SIN3A: variants seen among roughly 807,000 people sequenced by gnomAD.
The protein encoded by SIN3A is SIN3 transcription regulator family member A.
SIN3A carries 14 observed loss-of-function variants against 146.1 expected under a neutral mutation model. The ratio of observed to expected loss-of-function variants is 0.10; its 90% confidence interval spans 0.06 to 0.15. SIN3A has a LOEUF of 0.15. Ranked by LOEUF, SIN3A falls within the 10% of genes least tolerant of loss-of-function variation. The pLI is 1.00. For synonymous variants in SIN3A, 572 were observed against 572.0 expected (o/e 1.00, Z 0.00); for missense variants, 1,028 against 1,576.0 (o/e 0.65, Z 5.89).
At chr15:75,372,258 A>G (rs2072766270) in intron 20 of SIN3A, 49 bp from the exon 21 acceptor site, 1 of 1,308,202 alleles carries the variant, frequency 7.6e-7, no homozygotes. Flanking sequence ...GAACCAAAAA[A>G]GAGCCCTTCA....
intron 20 of SIN3A, among the ~76,000 whole-genome samples, chr15:75,372,543 C>T (rs1186379923): frequency 6.6e-6 from 1 of 152,060 alleles, no homozygotes; most frequent in Non-Finnish European, 1.5e-5. Flanking sequence ...CATTTCTGAC[C>T]AGGTGCAGTG....
rs758282618 is a variant in SIN3A at position 75,394,756 on chromosome 15, A to C, written c.2201T>G (p.Ile734Ser). 6.2e-7 allele frequency: 1 copy of C among 1,614,054 alleles called. No individual in the cohort carries two copies. Among genetic ancestry groups the C allele is most frequent in the Non-Finnish European group, 8.5e-7 (1 of 1,179,996 alleles). ...YYLKSLDHQG[I>S]NFKQNDTKVL... ...CTTGGTGTCATTCTGTTTAAAGTTG[A>C]TCCCCTGGTGGTCCAGAGACTTCAA... The change falls in exon 14 of 21, where the codon ATC (isoleucine) becomes AGC (serine). Residue 734 changes from isoleucine (I) to serine (S), a missense_variant. Coordinates refer to ENST00000394947, the MANE Select transcript of SIN3A (RefSeq NM_001145358.2).
rs946672382 is a variant in SIN3A, at chr15:75,375,864, C to T, written c.3392G>A (p.Arg1131Gln). ...ACCACGTTGACACTTCCGGATCCGCCGTAGATTCCTATTGCAGAAAAGCCC... is the reference window on the plus strand; with the variant it reads ...ACCACGTTGACACTTCCGGATCCGCTGTAGATTCCTATTGCAGAAAAGCCC... ...QKPVFLPRNL[R>Q]RIRKCQRGRE... The change falls in exon 20 of 21, where the codon CGG becomes CAG. Residue 1131 changes from arginine (R) to glutamine (Q), a missense_variant. Arg to Gln is a conservative substitution (Grantham distance 43). Coordinates refer to ENST00000394947, the MANE Select transcript of SIN3A (RefSeq NM_001145358.2). The T allele has an allele frequency of 1.2e-6, 2 of 1,613,974 alleles. No individual in the cohort carries two copies. The highest frequency in any genetic ancestry group is 1.1e-5 in the South Asian group (1 of 91,086).
At chr15:75,382,028 C>G (rs1567317739) in intron 17 of SIN3A, among the ~76,000 whole-genome samples, 3 of 152,178 alleles carry the variant, frequency 2.0e-5, no homozygotes, top group Non-Finnish European at 4.4e-5. Flanking sequence ...GTAGCCAGAA[C>G]CACAAAATGT....
chr15:75,372,836 A>T (rs977504175), intron 20 of SIN3A, among the ~76,000 whole-genome samples: 2 of 151,470 alleles, frequency 1.3e-5, no homozygotes, highest in Non-Finnish European at 2.9e-5. Flanking sequence ...AAAAAAAAAA[A>T]AAAACCCAAA....
At chr15:75,422,317 T>A in intron 3 of SIN3A, 1 of 581,948 alleles carries the variant, frequency 1.7e-6, no homozygotes, top group East Asian at 2.8e-5. Context: ...TAGCCAATCA[T>A]ATATGTGCTC....
Position 75,391,237 on chromosome 15 carries a change from G to GT in SIN3A, c.2851+1004dup, listed in dbSNP as rs375818230. Among the ~76,000 whole-genome samples the GT allele has an allele frequency of 4.7e-4, 71 of 152,300 alleles. 1 individual carries two copies. Among genetic ancestry groups the GT allele is most frequent in the African/African-American group, 1.6e-3 (67 of 41,546 alleles). ...CACAGATTTGTCCAAACAAGCTGTGGTAAGTGTGAGGGTTGGCATTATCAG... is the reference window on the plus strand; with the variant it reads ...CACAGATTTGTCCAAACAAGCTGTGGTTAAGTGTGAGGGTTGGCATTATCAG... On this transcript the variant is annotated intron_variant, in intron 15 of 20. Transcript: ENST00000394947.
chr15:75,375,533 C>A (rs2072838887), intron 20 of SIN3A, 132 bp downstream of exon 20: 4 of 697,150 alleles, frequency 5.7e-6, no homozygotes, highest in Admixed American at 5.0e-5. Flanking sequence ...AACATACGTA[C>A]TTCCTCAGTT....
intron 4 of SIN3A, 58 bp from the exon 5 acceptor site, chr15:75,413,103 G>GA: frequency 4.6e-6 from 7 of 1,510,820 alleles, no homozygotes; most frequent in Non-Finnish European, 6.2e-6. Flanking sequence ...ACCCTGTTAA[G>GA]AAAAAATTTC....
chr15:75,441,952 G>C (rs926505870), intron 1 of SIN3A, among the ~76,000 whole-genome samples: 1 of 151,360 alleles, frequency 6.6e-6, no homozygotes, highest in Non-Finnish European at 1.5e-5. Flanking sequence ...AACCCCATCT[G>C]TACCAAAACT....
At chr15:75,383,685 C>T (rs1192023087) in intron 17 of SIN3A, among the ~76,000 whole-genome samples, 2 of 152,162 alleles carry the variant, frequency 1.3e-5, no homozygotes, top group Admixed American at 6.5e-5. Flanking sequence ...CCCACCACTA[C>T]GCCCGGCTAA....
intron 1 of SIN3A, among the ~76,000 whole-genome samples, chr15:75,440,708 C>T (rs193183981): frequency 1.1e-4 from 16 of 152,070 alleles, no homozygotes; most frequent in Admixed American, 5.2e-4. Context: ...AGGGGTCGGG[C>T]GCGGTGGCTC....
intron 16 of SIN3A, among the ~76,000 whole-genome samples, chr15:75,384,993 G>A (rs1312357651): frequency 6.6e-6 from 1 of 152,076 alleles, no homozygotes; most frequent in African/African-American, 2.4e-5. Context: ...GGCTAACATG[G>A]CGAAACCCCA....
intron 15 of SIN3A, among the ~76,000 whole-genome samples, chr15:75,390,394 G>T (rs903399215): frequency 6.6e-6 from 1 of 152,198 alleles, no homozygotes. Context: ...GATTCGCTAC[G>T]TTGTATTTCA....
intron 8 of SIN3A, among the ~76,000 whole-genome samples, chr15:75,407,980 C>A (rs1033444237): frequency 2.1e-5 from 3 of 145,826 alleles, no homozygotes; most frequent in Non-Finnish European, 3.0e-5. Context: ...AGGGAACCAA[C>A]AGGCCATGAT....
At chr15:75,389,057 T>TA (rs1474137295) in intron 16 of SIN3A, among the ~76,000 whole-genome samples, 3 of 152,110 alleles carry the variant, frequency 2.0e-5, no homozygotes, top group African/African-American at 7.2e-5. Flanking sequence ...AAACCTAACT[T>TA]AGAGGGAACC....
At chr15:75,410,037 CAA>C in intron 7 of SIN3A, 46 bp from the exon 8 acceptor site, 1 of 1,608,182 alleles carries the variant, frequency 6.2e-7, no homozygotes, top group Non-Finnish European at 8.5e-7. Context: ...TCAAAGCAAA[CAA>C]ATATCATCTA....
chr15:75,407,176 C>T, intron 8 of SIN3A, 32 bp from the exon 9 acceptor site: 2 of 1,431,190 alleles, frequency 1.4e-6, no homozygotes, highest in Middle Eastern at 1.8e-4. Context: ...ATGTGAGATT[C>T]AACGAGTGGT....
chr15:75,430,439 T>C, intron 1 of SIN3A, 31 bp from the exon 2 acceptor site: 1 of 1,509,128 alleles, frequency 6.6e-7, no homozygotes, highest in Non-Finnish European at 8.9e-7. Flanking sequence ...AGCATGCAAG[T>C]CAATTCTCAC....
Sources: allele counts gnomAD v4.1 joint callset (sites outside exome capture counted in the v4.1 genomes callset), GRCh38; gene constraint gnomAD v4.1.1; transcripts MANE v1.5; gene names NCBI Gene and HGNC (gene_info 2026-07-23, HGNC 2026-07-21).